ANO10: variants seen among roughly 807,000 people sequenced by gnomAD.
The protein encoded by ANO10 is anoctamin 10.
Under a neutral mutation model 74.7 loss-of-function variants are expected in ANO10, and 77 were observed. The ratio of observed to expected loss-of-function variants is 1.03; its 90% CI spans 0.86 to 1.25. The LOEUF is 1.25. ANO10 is among the 50% of genes most tolerant of loss of function. The pLI, the probability that ANO10 is intolerant of heterozygous loss-of-function variation, is 0.00. For missense variants in ANO10, 721 were observed against 778.1 expected (o/e 0.93, Z 0.87); for synonymous variants, 279 against 284.9 (o/e 0.98, Z 0.21).
At chr3:43,580,734 GTC>G (rs2081229425) in intron 4 of ANO10, among the ~76,000 whole-genome samples, 1 of 152,086 alleles carries the variant, frequency 6.6e-6, no homozygotes, top group African/African-American at 2.4e-5. Flanking sequence ...AGGCCCGTTA[GTC>G]TCTCTTTCCC....
chr3:43,513,578 C>A (rs2077593214), intron 11 of ANO10, among the ~76,000 whole-genome samples: 1 of 152,050 alleles, frequency 6.6e-6, no homozygotes, highest in South Asian at 2.1e-4. Flanking sequence ...GGCATGATCT[C>A]CACTCACTGC....
In ANO10 at chr3:43,568,330, T is replaced by C. The variant is rs906346118; in HGVS notation, c.1219-2603A>G. ...GAATTGAACTCAGCTCTGCACCAAG[T>C]GGACCTAATAGACATCTACAGAACT... On this transcript the variant is annotated intron_variant, in intron 7 of 12. Transcript: ENST00000292246. Among the ~76,000 whole-genome samples the C allele has an allele frequency of 1.5e-4, 23 of 152,190 alleles. No individual in the cohort carries two copies. In the East Asian group the frequency reaches 1.9e-3, roughly 13 times the overall value.
intron 11 of ANO10, among the ~76,000 whole-genome samples, chr3:43,525,304 A>G (rs1183773640): frequency 1.3e-5 from 2 of 152,044 alleles, no homozygotes; most frequent in African/African-American, 4.8e-5. Context: ...ACAGTCCCTC[A>G]TCCCCATCTC....
At chr3:43,427,975 G>A (rs2092922593) in intron 12 of ANO10, among the ~76,000 whole-genome samples, 1 of 152,090 alleles carries the variant, frequency 6.6e-6, no homozygotes, top group South Asian at 2.1e-4. Context: ...TGTCAACCAT[G>A]CAGCAAAGCC....
At chr3:43,603,602 T>C (rs1177655237) in intron 2 of ANO10, among the ~76,000 whole-genome samples, 2 of 152,236 alleles carry the variant, frequency 1.3e-5, no homozygotes, top group Non-Finnish European at 2.9e-5. Flanking sequence ...GTTTTAGATT[T>C]CTCTTTCATG....
At chr3:43,582,128 C>G (rs2081289203) in intron 4 of ANO10, among the ~76,000 whole-genome samples, 1 of 151,838 alleles carries the variant, frequency 6.6e-6, no homozygotes, top group Admixed American at 6.6e-5. Context: ...TGAGGACTGG[C>G]AAATAAATGT....
chr3:43,571,547 A>G (rs2080716504), intron 7 of ANO10, among the ~76,000 whole-genome samples: 1 of 152,170 alleles, frequency 6.6e-6, no homozygotes, highest in Non-Finnish European at 1.5e-5. Flanking sequence ...GACATGGATG[A>G]AACTGGAAAT....
upstream of ANO10, among the ~76,000 whole-genome samples, chr3:43,622,421 G>A (rs940466473): frequency 1.3e-5 from 2 of 152,170 alleles, no homozygotes; most frequent in Non-Finnish European, 2.9e-5. Context: ...GTCGGGGCAG[G>A]GGAAAGGAAT....
At chr3:43,690,765 G>A (rs556727299) in intron 1 of ANO10, 17 of 433,658 alleles carry the variant, frequency 3.9e-5, no homozygotes, top group Non-Finnish European at 6.4e-5. Context: ...TTACACCCGG[G>A]AGCGTCGGGC....
intron 4 of ANO10, among the ~76,000 whole-genome samples, chr3:43,593,695 G>A (rs992921688): frequency 2.6e-5 from 4 of 152,170 alleles, no homozygotes; most frequent in African/African-American, 9.7e-5. Context: ...GGAAGAAACT[G>A]CATCAACTAA....
At chr3:43,408,673 C>T (rs573616441) in intron 12 of ANO10, among the ~76,000 whole-genome samples, 3 of 152,320 alleles carry the variant, frequency 2.0e-5, no homozygotes, top group African/African-American at 7.2e-5. Context: ...GGATCACTCT[C>T]CTGCCAGCTT....
At chr3:43,484,589 A>G (rs1423600295) in intron 11 of ANO10, among the ~76,000 whole-genome samples, 1 of 152,086 alleles carries the variant, frequency 6.6e-6, no homozygotes, top group Non-Finnish European at 1.5e-5. Context: ...ATCAGTTTGG[A>G]ATTTGCTATC....
At chr3:43,491,267 A>G (rs912118206) in intron 11 of ANO10, among the ~76,000 whole-genome samples, 4 of 152,126 alleles carry the variant, frequency 2.6e-5, no homozygotes, top group Admixed American at 1.3e-4. Flanking sequence ...TAATCCCAGC[A>G]CTTTGGGAGG....
At chr3:43,667,418 C>A (rs1453265655) in intron 1 of ANO10, among the ~76,000 whole-genome samples, 1 of 152,064 alleles carries the variant, frequency 6.6e-6, no homozygotes, top group Admixed American at 6.6e-5. Flanking sequence ...TGTGTAGTTA[C>A]ACTATTGTTT....
rs763774431 is a variant in ANO10 at position 43,432,701 on chromosome 3, T to C, written c.1824A>G (p.Ile608Met). 1.2e-6 allele frequency: 2 copies of C among 1,613,658 alleles called. No homozygotes were observed. Among genetic ancestry groups the C allele is most frequent in the African/African-American group, 1.3e-5 (1 of 74,906 alleles). The change falls in exon 12 of 13, where the codon ATA (isoleucine) becomes ATG (methionine). Residue 608 changes from isoleucine (I) to methionine (M), a missense_variant. Physicochemically the swap from Ile to Met is conservative, Grantham distance 10. Coordinates refer to ENST00000292246, the MANE Select transcript of ANO10 (RefSeq NM_018075.5). Reference sequence around the variant, plus strand: ...GCTTATCAGGTATGGCAAATGCAAGTATAAACTTTAAAGCCAGGAGTGCGT... The same window carrying C: ...GCTTATCAGGTATGGCAAATGCAAGCATAAACTTTAAAGCCAGGAGTGCGT... The part of the protein sequence containing the change: ...VEHALLALKF[I>M]LAFAIPDKPR...
intron 1 of ANO10, among the ~76,000 whole-genome samples, chr3:43,664,239 C>T (rs1210763546): frequency 1.3e-5 from 2 of 152,118 alleles, no homozygotes; most frequent in Admixed American, 6.6e-5. Flanking sequence ...CATCTACCAC[C>T]ATCTGATCTT....
At chr3:43,395,755 AG>A (rs2092365567) in intron 12 of ANO10, among the ~76,000 whole-genome samples, 1 of 147,334 alleles carries the variant, frequency 6.8e-6, no homozygotes, top group Non-Finnish European at 1.5e-5. Context: ...TTTAGAAGCA[AG>A]TTCATCAACT....
intron 9 of ANO10, among the ~76,000 whole-genome samples, chr3:43,558,650 A>G (rs1305151148): frequency 6.6e-6 from 1 of 152,238 alleles, no homozygotes; most frequent in Non-Finnish European, 1.5e-5. Flanking sequence ...ACTCACATAT[A>G]ACAGTCAGGA....
intron 1 of ANO10, among the ~76,000 whole-genome samples, chr3:43,643,703 A>G (rs1246739928): frequency 1.2e-5 from 1 of 80,836 alleles, no homozygotes; most frequent in Non-Finnish European, 2.2e-5. Flanking sequence ...TTTTTTTTTT[A>G]GATGGAGTCT....
Sources: allele counts gnomAD v4.1 joint callset (sites outside exome capture counted in the v4.1 genomes callset), GRCh38; gene constraint gnomAD v4.1.1; transcripts MANE v1.5; gene names NCBI Gene and HGNC (gene_info 2026-07-23, HGNC 2026-07-21).